Variants in NWD2 observed in about 807,000 individuals in gnomAD.
The protein encoded by NWD2 is NACHT and WD repeat domain containing 2, also known as NACHT and WD repeat domain-containing protein 2.
NWD2 carries 37 observed loss-of-function variants against 132.7 expected under a neutral mutation model. The observed-to-expected ratio is 0.28, with a 90% CI of 0.21 to 0.37. The LOEUF (loss-of-function observed/expected upper bound fraction) is 0.37, where lower values mean the gene tolerates loss of function less well. NWD2 is among the 10% of genes least tolerant of loss of function. NWD2 has a pLI of 1.00. For synonymous variants in NWD2, 705 were observed against 803.0 expected (o/e 0.88, Z 2.06); for missense variants, 1,592 against 2,122.4 (o/e 0.75, Z 4.91).
intron 1 of NWD2, among the ~76,000 whole-genome samples, chr4:37,322,582 TA>T (rs1406644262): frequency 6.6e-6 from 1 of 152,138 alleles, no homozygotes; most frequent in Admixed American, 6.6e-5. Context: ...ACATTTCATT[TA>T]AAGGTCCGTG....
At chr4:37,336,899 C>T (rs75549086) in intron 2 of NWD2, among the ~76,000 whole-genome samples, 2,450 of 146,612 alleles carry the variant, frequency 0.017, 71 homozygotes, top group African/African-American at 0.058. Flanking sequence ...AGATCAAGAT[C>T]GCACCACTGC....
intron 3 of NWD2, among the ~76,000 whole-genome samples, chr4:37,422,505 C>T (rs549692817): frequency 1.4e-3 from 216 of 152,280 alleles, no homozygotes; most frequent in Middle Eastern, 3.4e-3. Flanking sequence ...CTCTATTTGT[C>T]TTTCCAATCA....
intron 3 of NWD2, among the ~76,000 whole-genome samples, chr4:37,398,290 G>A (rs1720839030): frequency 6.6e-6 from 1 of 152,164 alleles, no homozygotes; most frequent in African/African-American, 2.4e-5. Flanking sequence ...ATGAGTTCAT[G>A]TCCTTTTCAC....
intron 3 of NWD2, among the ~76,000 whole-genome samples, chr4:37,377,829 G>C (rs1320269208): frequency 6.6e-6 from 1 of 152,022 alleles, no homozygotes; most frequent in Non-Finnish European, 1.5e-5. Flanking sequence ...AAAAGTATAT[G>C]TTTAATTTAA....
At chr4:37,392,017 A>C (rs1430201840) in intron 3 of NWD2, among the ~76,000 whole-genome samples, 1 of 152,170 alleles carries the variant, frequency 6.6e-6, no homozygotes, top group Non-Finnish European at 1.5e-5. Flanking sequence ...CCTGGCCAAC[A>C]TGGTGAAACC....
At chr4:37,367,997 G>A (rs1051881391) in intron 3 of NWD2, among the ~76,000 whole-genome samples, 12 of 151,950 alleles carry the variant, frequency 7.9e-5, no homozygotes, top group Non-Finnish European at 1.2e-4. Flanking sequence ...TTTATCTACC[G>A]AAGTAGAGGG....
At chr4:37,367,358 T>C (rs1720122919) in intron 3 of NWD2, among the ~76,000 whole-genome samples, 1 of 152,186 alleles carries the variant, frequency 6.6e-6, no homozygotes. Flanking sequence ...TTTCTATTTT[T>C]TCAATGCTTA....
intron 3 of NWD2, among the ~76,000 whole-genome samples, chr4:37,361,756 C>A (rs1719986582): frequency 6.6e-6 from 1 of 152,136 alleles, no homozygotes; most frequent in African/African-American, 2.4e-5. Context: ...CCCTTGAGGA[C>A]TGGAAGAACA....
rs867133582 is a variant in NWD2 at position 37,356,430 on chromosome 4, G to A, written c.305G>A (p.Arg102His). The change falls in exon 3 of 7, where the codon CGC becomes CAC. Residue 102 changes from arginine to histidine, a missense_variant. Around this residue, in one of 7 missense-constraint regions of NWD2, gnomAD observed 144 missense variants for 185.7 expected, o/e 0.78. Coordinates refer to ENST00000309447, the MANE Select transcript of NWD2 (RefSeq NM_001144990.2). ...GACAGCCCAGAGCTCCAGAAGACCC[G>A]CATGAAGCTGCTGGAGAATTGCTTG... ...EWDSPELQKT[R>H]MKLLENCLKT... 2 of 1,551,490 alleles carry A rather than the reference G, an allele frequency of 1.3e-6. No individual in the cohort carries two copies. The highest frequency in any genetic ancestry group is 8.7e-7 in the Non-Finnish European group (1 of 1,146,824).
At chr4:37,248,689 G>A (rs1717292969) in intron 1 of NWD2, among the ~76,000 whole-genome samples, 1 of 152,192 alleles carries the variant, frequency 6.6e-6, no homozygotes, top group Non-Finnish European at 1.5e-5. Context: ...GAGATGAAAG[G>A]AACCTGCGAG....
chr4:37,375,046 T>C (rs1182335673), intron 3 of NWD2, among the ~76,000 whole-genome samples: 1 of 152,244 alleles, frequency 6.6e-6, no homozygotes, highest in African/African-American at 2.4e-5. Flanking sequence ...TTCCTTTTGC[T>C]TCCAAAACAT....
chr4:37,333,822 T>G (rs1487679502), intron 2 of NWD2, among the ~76,000 whole-genome samples: 6 of 151,976 alleles, frequency 3.9e-5, no homozygotes, highest in Non-Finnish European at 8.8e-5. Flanking sequence ...AAGTTCAAGA[T>G]AACACAGAGA....
chr4:37,394,810 T>TTTTTTG (rs1553897373), intron 3 of NWD2, among the ~76,000 whole-genome samples: 2 of 121,458 alleles, frequency 1.6e-5, no homozygotes, highest in Admixed American at 8.4e-5. Context: ...TTTTTTTTTT[T>TTTTTTG]TTTTTTTTTT....
chr4:37,447,318 G>GCCGGGCGCGGTGGCTCACGCCTGTA lies in NWD2; in HGVS notation c.*101_*102insCCGGGCGCGGTGGCTCACGCCTGTA. On this transcript the variant is annotated 3_prime_UTR_variant, in exon 7 of 7. Transcript: ENST00000309447. ...TATTCATTTATTAAAAGGCAGGAGC[G>GCCGGGCGCGGTGGCTCACGCCTGTA]ATGCTGGAATTCCAGTGTTTTATTA... 2 of 892,062 alleles carry GCCGGGCGCGGTGGCTCACGCCTGTA rather than the reference G, an allele frequency of 2.2e-6. No individual in the cohort carries two copies. The highest frequency in any genetic ancestry group is 1.7e-5 in the African/African-American group (1 of 59,100). The allele number at this position is 892,062 out of a possible 1,614,324, so 55.3% of individuals were successfully genotyped here.
chr4:37,421,473 T>A (rs1206929014), intron 3 of NWD2, among the ~76,000 whole-genome samples: 2 of 152,194 alleles, frequency 1.3e-5, no homozygotes, highest in African/African-American at 4.8e-5. Context: ...CATCTTGCAA[T>A]AAGTAAAAAG....
chr4:37,422,244 T>A (rs1711837499), intron 3 of NWD2, among the ~76,000 whole-genome samples: 1 of 152,210 alleles, frequency 6.6e-6, no homozygotes, highest in Admixed American at 6.5e-5. Flanking sequence ...ACAGCTTCAT[T>A]TCTGAAACTT....
chr4:37,264,838 G>T (rs974955819), intron 1 of NWD2, among the ~76,000 whole-genome samples: 7 of 151,982 alleles, frequency 4.6e-5, no homozygotes, highest in Admixed American at 2.6e-4. Context: ...TAATACCATT[G>T]TCTAATCAAA....
intron 1 of NWD2, among the ~76,000 whole-genome samples, chr4:37,272,580 T>A (rs952293672): frequency 1.3e-5 from 2 of 151,816 alleles, no homozygotes; most frequent in Non-Finnish European, 2.9e-5. Flanking sequence ...CATATTCGTT[T>A]TTTATTTTAT....
intron 3 of NWD2, among the ~76,000 whole-genome samples, chr4:37,401,557 A>C (rs1720895801): frequency 6.6e-6 from 1 of 152,148 alleles, no homozygotes; most frequent in Non-Finnish European, 1.5e-5. Flanking sequence ...CTCCAGCTGC[A>C]GCTGCTTTCT....
Sources: gnomAD v4.1 joint callset for allele counts (sites outside exome capture counted in the v4.1 genomes callset) on GRCh38, gnomAD v4.1.1 for gene constraint, gnomAD v4.1.1 regional missense constraint, MANE v1.5 for transcripts, NCBI Gene and HGNC (gene_info 2026-07-23, HGNC 2026-07-21) for gene names.